The following GLUD1 variants were observed in gnomAD, a reference collection of about 807,000 sequenced individuals.
GLUD1 encodes glutamate dehydrogenase 1, also known as glutamate dehydrogenase 1, mitochondrial.
GLUD1 carries 22 observed loss-of-function variants against 56.0 expected under a neutral mutation model. The observed-to-expected ratio is 0.39, with a 90% CI of 0.28 to 0.56. The LOEUF is 0.56. GLUD1 is among the 20% of genes least tolerant of loss of function. GLUD1 has a pLI of 0.58. For synonymous variants in GLUD1, 223 were observed against 269.9 expected, an observed-to-expected ratio of 0.83 and a Z score of 1.70; for missense variants, 451 against 732.0, an observed-to-expected ratio of 0.62 and a Z score of 4.43.
At chr10:87,073,134 C>T (rs1373919066) in intron 4 of GLUD1, among the ~76,000 whole-genome samples, 5 of 152,002 alleles carry the variant, frequency 3.3e-5, no homozygotes, top group African/African-American at 7.2e-5. Flanking sequence ...AAAATGAATC[C>T]GAATAGCTTT....
chr10:87,071,936 A>G (rs1462636592), intron 4 of GLUD1, among the ~76,000 whole-genome samples: 5 of 152,202 alleles, frequency 3.3e-5, no homozygotes, highest in African/African-American at 1.2e-4. Flanking sequence ...AAATAAATGG[A>G]AAGACATCTC....
chr10:87,060,612 C>CA, intron 8 of GLUD1, 76 bp downstream of exon 8: 1 of 1,564,818 alleles, frequency 6.4e-7, no homozygotes, highest in East Asian at 2.3e-5. Context: ...AGAGAAAACT[C>CA]AATCAGACTC....
intron 1 of GLUD1, among the ~76,000 whole-genome samples, chr10:87,088,925 C>T (rs1295238471): frequency 6.6e-6 from 1 of 152,102 alleles, no homozygotes; most frequent in African/African-American, 2.4e-5. Context: ...TCTTAAACAC[C>T]AAAGTCTTCA....
At chr10:87,060,628 T>C in intron 8 of GLUD1, 60 bp downstream of exon 8, 1 of 1,602,090 alleles carries the variant, frequency 6.2e-7, no homozygotes, top group South Asian at 1.1e-5. Flanking sequence ...GACTCTTCTA[T>C]GACCCCCCTA....
rs150804272 is a variant in GLUD1, at chr10:87,067,861, T to C, written c.741+202A>G. 83 of 556,736 alleles carry C rather than the reference T, an allele frequency of 1.5e-4. 1 individual carries two copies. In the East Asian group the frequency reaches 2.8e-3, roughly 19 times the overall value. The allele number at this position is 556,736 out of a possible 1,614,324, so 34.5% of individuals were successfully genotyped here. A position where few individuals can be genotyped will look rare whatever the true frequency, so the allele number is the denominator to read the frequency against. On this transcript the variant is annotated intron_variant, in intron 5 of 12. Coordinates refer to ENST00000277865, the MANE Select transcript of GLUD1 (RefSeq NM_005271.5). ...CCTGGTCCTGTTCCAGTGACAAGTA[T>C]AGGGCAGCATATAAGTAAAGCTCAA...
At position 87,060,805 on chromosome 10, in the gene GLUD1, G is replaced by A; in HGVS notation, c.1080C>T (p.Gly360=). 1 of 1,614,176 alleles carries A rather than the reference G, an allele frequency of 6.2e-7. No homozygotes were observed. Among genetic ancestry groups the A allele is most frequent in the Admixed American group, 1.7e-5 (1 of 60,006 alleles). ...DFKLQHGSIL[G]FPKAKPYEGS... ...CTTCATAGGGCTTTGCCTTGGGGAA[G>A]CCCAGAATGGACCCATGTTGCTGCC... The change falls in exon 8 of 13, where the codon GGC becomes GGT. Residue 360 remains glycine, a synonymous_variant. Transcript: ENST00000277865.
intron 11 of GLUD1, 147 bp downstream of exon 11, chr10:87,057,544 G>T: frequency 1.5e-6 from 1 of 674,254 alleles, no homozygotes. Flanking sequence ...GTAATGAAAA[G>T]GAAAGGTACA....
chr10:87,087,392 T>C (rs1841408349), intron 1 of GLUD1, among the ~76,000 whole-genome samples: 1 of 152,158 alleles, frequency 6.6e-6, no homozygotes, highest in African/African-American at 2.4e-5. Flanking sequence ...GCATGACTGA[T>C]TGCTGATTAA....
chr10:87,079,999 A>C (rs1841169882), intron 1 of GLUD1, among the ~76,000 whole-genome samples: 2 of 146,890 alleles, frequency 1.4e-5, no homozygotes, highest in South Asian at 4.5e-4. Flanking sequence ...CGGAAGCTGG[A>C]CTGTACTGCT....
intron 1 of GLUD1, chr10:87,093,987 C>G: frequency 7.0e-7 from 1 of 1,433,508 alleles, no homozygotes; most frequent in South Asian, 1.2e-5. Context: ...ATTCCCTTTC[C>G]TAGAAGTGCA....
Position 87,077,013 on chromosome 10 carries a change from T to G in GLUD1, c.446-357A>C, listed in dbSNP as rs757894422. Among the ~76,000 whole-genome samples the G allele has an allele frequency of 2.4e-3, 355 of 148,852 alleles. 1 individual carries two copies. Among genetic ancestry groups the G allele is most frequent in the Non-Finnish European group, 2.9e-3 (194 of 66,874 alleles). On this transcript the variant is annotated intron_variant, in intron 1 of 12. Coordinates refer to ENST00000277865, the MANE Select transcript of GLUD1 (RefSeq NM_005271.5). Reference sequence around the variant, plus strand: ...TTCAAGAATTCAGGTTGCTTTTTTTTGGGGGGGTAGGGGTGGGAAACAGGG... The same window carrying G: ...TTCAAGAATTCAGGTTGCTTTTTTTGGGGGGGGTAGGGGTGGGAAACAGGG...
chr10:87,056,792 T>G (rs1845787994), intron 11 of GLUD1, among the ~76,000 whole-genome samples: 1 of 151,938 alleles, frequency 6.6e-6, no homozygotes, highest in Admixed American at 6.6e-5. Context: ...ACCACATATA[T>G]GGAGAACATA....
intron 4 of GLUD1, among the ~76,000 whole-genome samples, chr10:87,070,048 C>T (rs929707128): frequency 1.7e-4 from 26 of 152,218 alleles, no homozygotes; most frequent in African/African-American, 6.0e-4. Flanking sequence ...TTTGTTTAAC[C>T]ACTCCTTTTC....
chr10:87,085,602 A>T (rs1341045036), intron 1 of GLUD1, among the ~76,000 whole-genome samples: 1 of 152,218 alleles, frequency 6.6e-6, no homozygotes, highest in East Asian at 1.9e-4. Flanking sequence ...AAAATTTAAA[A>T]TTATAACACA....
intron 1 of GLUD1, among the ~76,000 whole-genome samples, chr10:87,081,168 G>T (rs954845749): frequency 7.0e-6 from 1 of 143,464 alleles, no homozygotes; most frequent in Admixed American, 6.8e-5. Context: ...CCTCTGCCCG[G>T]CCAGCCGCCC....
chr10:87,059,335 A>G (rs915276224), intron 9 of GLUD1, 62 bp from the exon 10 acceptor site: 1 of 1,507,484 alleles, frequency 6.6e-7, no homozygotes, highest in African/African-American at 1.4e-5. Context: ...GCTGAAAATG[A>G]ACCTAAGACC....
At position 87,057,743 on chromosome 10, in the gene GLUD1, T is replaced by A. The variant is rs1169592069; in HGVS notation, c.1442A>T (p.His481Leu). The change falls in exon 11 of 13, where the codon CAT (histidine) becomes CTT (leucine). Residue 481 changes from histidine (H) to leucine (L), a missense_variant. His to Leu is a moderately conservative substitution (Grantham distance 99). Coordinates refer to ENST00000277865, the MANE Select transcript of GLUD1 (RefSeq NM_005271.5). ...GGGTACAATGGGAATAGTTCCACCA[T>A]GCTTTCCAAATTTTCTTTCTAAACT... ...QESLERKFGK[H>L]GGTIPIVPTA... 3.1e-6 allele frequency: 5 copies of A among 1,597,822 alleles called. No homozygotes were observed. The South Asian group carries it at 3.3e-5, about 11-fold the overall frequency.
chr10:87,056,115 C>CAAAAA (rs201114912), intron 11 of GLUD1, among the ~76,000 whole-genome samples: 6 of 62,770 alleles, frequency 9.6e-5, no homozygotes, highest in African/African-American at 1.4e-4. Flanking sequence ...GACTCTGTCT[C>CAAAAA]AAAAAAAAAA....
chr10:87,073,130 A>C (rs921585955), intron 4 of GLUD1, among the ~76,000 whole-genome samples: 21 of 152,196 alleles, frequency 1.4e-4, no homozygotes, highest in African/African-American at 4.8e-4. Flanking sequence ...CCTAAAAATG[A>C]ATCCGAATAG....
Sources: gnomAD v4.1 joint callset for allele counts (sites outside exome capture counted in the v4.1 genomes callset) on GRCh38, gnomAD v4.1.1 for gene constraint, MANE v1.5 for transcripts, NCBI Gene and HGNC (gene_info 2026-07-23, HGNC 2026-07-21) for gene names.